GNAQ: variants seen among roughly 807,000 people sequenced by gnomAD.
GNAQ encodes the protein G protein subunit alpha q, also known as guanine nucleotide-binding protein G(q) subunit alpha.
In GNAQ, 8 loss-of-function variants were observed where a neutral mutation model predicts 43.9. That is an observed-to-expected ratio of 0.18 (90% confidence interval 0.11 to 0.33). The LOEUF (loss-of-function observed/expected upper bound fraction) is 0.33. GNAQ is among the 10% of genes least tolerant of loss of function. The pLI, the probability that GNAQ is intolerant of heterozygous loss-of-function variation, is 1.00. For missense variants in GNAQ, 158 were observed against 450.8 expected, an observed-to-expected ratio of 0.35 and a Z score of 5.88; for synonymous variants, 155 against 170.7, an observed-to-expected ratio of 0.91 and a Z score of 0.71.
chr9:77,995,900 T>C (rs536186075), intron 1 of GNAQ, among the ~76,000 whole-genome samples: 1 of 152,328 alleles, frequency 6.6e-6, no homozygotes, highest in South Asian at 2.1e-4. Context: ...AGACACAACT[T>C]GATAAATTAA....
intron 1 of GNAQ, among the ~76,000 whole-genome samples, chr9:77,940,228 T>G (rs560186814): frequency 1.3e-5 from 2 of 152,174 alleles, no homozygotes; most frequent in Non-Finnish European, 2.9e-5. Context: ...ATATCCCTTA[T>G]AGTGCATATT....
intron 5 of GNAQ, among the ~76,000 whole-genome samples, chr9:77,752,537 C>T (rs1293466876): frequency 2.0e-5 from 3 of 152,172 alleles, no homozygotes; most frequent in Non-Finnish European, 4.4e-5. Flanking sequence ...CTAACTGCAA[C>T]CTGCAGAGGT....
At chr9:77,731,209 T>A (rs960616483) in intron 5 of GNAQ, among the ~76,000 whole-genome samples, 6 of 151,928 alleles carry the variant, frequency 3.9e-5, no homozygotes, top group South Asian at 4.2e-4. Flanking sequence ...GGAGGGGAAG[T>A]GACTAGACTA....
chr9:77,759,933 C>CTTTTTT (rs970000569), intron 5 of GNAQ, among the ~76,000 whole-genome samples: 2 of 131,838 alleles, frequency 1.5e-5, no homozygotes, highest in African/African-American at 5.7e-5. Context: ...TTTTCTTTTT[C>CTTTTTT]TTTTTTTTTT....
chr9:77,802,120 T>C (rs919013573), intron 3 of GNAQ, among the ~76,000 whole-genome samples: 68 of 152,194 alleles, frequency 4.5e-4, no homozygotes, highest in African/African-American at 1.5e-3. Context: ...TGAGCCACCA[T>C]TGCACCACTG....
chr9:77,861,631 TC>T, intron 2 of GNAQ, among the ~76,000 whole-genome samples: 1 of 152,194 alleles, frequency 6.6e-6, no homozygotes, highest in South Asian at 2.1e-4. Context: ...AAGTCCAAAA[TC>T]CAGTAGGGCA....
chr9:77,965,994 T>C (rs1337383848), intron 1 of GNAQ, among the ~76,000 whole-genome samples: 2 of 152,086 alleles, frequency 1.3e-5, no homozygotes, highest in Admixed American at 1.3e-4. Context: ...ACAAAATATG[T>C]CTCAGCAAAA....
chr9:77,915,700 A>G (rs931343932), intron 2 of GNAQ, among the ~76,000 whole-genome samples: 1 of 152,160 alleles, frequency 6.6e-6, no homozygotes, highest in African/African-American at 2.4e-5. Flanking sequence ...TTCAATCCTT[A>G]GAGTCAAATT....
In GNAQ at chr9:77,721,487, G is replaced by C; in HGVS notation, c.916C>G (p.Arg306Gly). 1 of 1,611,478 alleles carries C rather than the reference G, an allele frequency of 6.2e-7. No individual in the cohort carries two copies. The highest frequency in any genetic ancestry group is 8.5e-7 in the Non-Finnish European group (1 of 1,178,318). The change falls in exon 7 of 7, where the codon CGA becomes GGA. Residue 306 changes from arginine to glycine, a missense_variant. This residue lies in a region of GNAQ where 56 missense variants were observed against 172.2 expected (regional missense o/e 0.33). Coordinates refer to ENST00000286548, the MANE Select transcript of GNAQ (RefSeq NM_002072.5). ...DGPQRDAQAA[R>G]EFILKMFVDL... ...ACGAACATCTTCAGAATGAATTCTC[G>C]GGCTGCCTGGGCATCTCTCTGGGGT...
At chr9:77,761,201 CTCTGCCCAGCT>C in intron 5 of GNAQ, among the ~76,000 whole-genome samples, 3 of 145,430 alleles carry the variant, frequency 2.1e-5, no homozygotes, top group Admixed American at 1.3e-4. Flanking sequence ...TGAGGGGCGC[CTCTGCCCAGCT>C]GCCCCTACTG....
chr9:78,022,903 G>A (rs1329369266), intron 1 of GNAQ, among the ~76,000 whole-genome samples: 1 of 152,208 alleles, frequency 6.6e-6, no homozygotes, highest in Non-Finnish European at 1.5e-5. Context: ...AAAGGCCACT[G>A]CTATTGCCAT....
At chr9:77,726,627 T>C (rs1825400292) in intron 6 of GNAQ, among the ~76,000 whole-genome samples, 2 of 152,242 alleles carry the variant, frequency 1.3e-5, no homozygotes, top group South Asian at 4.1e-4. Context: ...TGTGGAATGA[T>C]ATCCATCCTG....
chr9:77,738,446 A>G (rs546321654), intron 5 of GNAQ, among the ~76,000 whole-genome samples: 28 of 152,342 alleles, frequency 1.8e-4, no homozygotes, highest in African/African-American at 6.5e-4. Flanking sequence ...TAAAATTAAT[A>G]TGTGGTCATG....
At chr9:77,752,747 T>G (rs532853448) in intron 5 of GNAQ, among the ~76,000 whole-genome samples, 5 of 152,300 alleles carry the variant, frequency 3.3e-5, no homozygotes, top group Non-Finnish European at 7.3e-5. Flanking sequence ...GCATGTAAAT[T>G]TTATCTTATT....
intron 2 of GNAQ, among the ~76,000 whole-genome samples, chr9:77,903,125 C>T (rs1024999842): frequency 1.5e-4 from 23 of 151,972 alleles, no homozygotes; most frequent in African/African-American, 5.6e-4. Context: ...CAACACAGGT[C>T]GTTAGAAGAG....
chr9:77,826,288 A>G (rs1294578080), intron 2 of GNAQ, among the ~76,000 whole-genome samples: 2 of 152,152 alleles, frequency 1.3e-5, no homozygotes, highest in African/African-American at 4.8e-5. Context: ...CCCTACCCCC[A>G]GGCCCAACTC....
At chr9:77,981,078 C>A (rs144941120) in intron 1 of GNAQ, among the ~76,000 whole-genome samples, 8 of 152,078 alleles carry the variant, frequency 5.3e-5, no homozygotes, top group African/African-American at 1.9e-4. Context: ...TAGATTCAGA[C>A]CCCCCATTTA....
At chr9:77,799,736 A>G (rs1414554029) in intron 3 of GNAQ, among the ~76,000 whole-genome samples, 4 of 152,198 alleles carry the variant, frequency 2.6e-5, no homozygotes, top group Admixed American at 2.6e-4. Context: ...TCAATTCTTT[A>G]AGACAAAAAA....
At position 77,864,168 on chromosome 9, in the gene GNAQ, CTTTT is replaced by C. The variant is rs113840423; in HGVS notation, c.322-48402_322-48399del. Among the ~76,000 whole-genome samples, 25 of 131,366 alleles carry C rather than the reference CTTTT, an allele frequency of 1.9e-4. No homozygotes were observed. In the East Asian group the frequency reaches 5.2e-3, roughly 27 times the overall value. The allele number at this position is 131,366 out of a possible 152,430, so 86.2% of individuals were successfully genotyped here. Reference sequence around the variant, plus strand: ...AGAAAGAGGGGAGGAAGGTGCCAGGCTTTTTTTTTTTTTTTTTTAAACAATTAGT... The same window carrying C: ...AGAAAGAGGGGAGGAAGGTGCCAGGCTTTTTTTTTTTTTTAAACAATTAGT... On this transcript the variant is annotated intron_variant, in intron 2 of 6. Transcript: ENST00000286548.
Sources: gnomAD v4.1 joint callset for allele counts (sites outside exome capture counted in the v4.1 genomes callset) on GRCh38, gnomAD v4.1.1 for gene constraint, gnomAD v4.1.1 regional missense constraint, MANE v1.5 for transcripts, NCBI Gene and HGNC (gene_info 2026-07-23, HGNC 2026-07-21) for gene names.